Variants in UBAC1 observed in about 807,000 individuals in gnomAD.
UBAC1 encodes UBA domain containing 1, also known as ubiquitin-associated domain-containing protein 1.
A neutral mutation model predicts 45.9 loss-of-function variants in UBAC1; 27 were observed. The observed-to-expected ratio is 0.59, with a 90% CI of 0.43 to 0.81. The LOEUF (loss-of-function observed/expected upper bound fraction) is 0.81. Among genes scored for constraint, UBAC1 ranks in the 30% least tolerant of loss-of-function variants. The pLI, the probability that UBAC1 is intolerant of heterozygous loss-of-function variation, is 0.00. For synonymous variants in UBAC1, 227 were observed against 215.5 expected (o/e 1.05, Z -0.47); for missense variants, 529 against 539.2 (o/e 0.98, Z 0.19).
intron 3 of UBAC1, among the ~76,000 whole-genome samples, chr9:135,951,763 T>G (rs1839408149): frequency 6.6e-6 from 1 of 152,170 alleles, no homozygotes; most frequent in Non-Finnish European, 1.5e-5. Context: ...TGAGCTGAGA[T>G]CACGCCACTG....
chr9:135,951,925 TTAG>T (rs1839410436), intron 3 of UBAC1, among the ~76,000 whole-genome samples: 3 of 152,234 alleles, frequency 2.0e-5, no homozygotes, highest in Admixed American at 1.3e-4. Context: ...GCTCCTCAGG[TTAG>T]CTCCAAGCTA....
At chr9:135,956,421 G>C (rs578111875) in intron 1 of UBAC1, among the ~76,000 whole-genome samples, 1 of 152,322 alleles carries the variant, frequency 6.6e-6, no homozygotes, top group South Asian at 2.1e-4. Flanking sequence ...ACGGGGGCTA[G>C]GCGCGTCGGC....
intron 1 of UBAC1, among the ~76,000 whole-genome samples, chr9:135,960,258 G>C (rs916337767): frequency 3.3e-5 from 5 of 152,188 alleles, no homozygotes; most frequent in Non-Finnish European, 7.3e-5. Context: ...GTCCTTTAGA[G>C]ACTCGAGAAC....
chr9:135,946,184 T>C (rs1839331918), intron 5 of UBAC1, 85 bp downstream of exon 5: 1 of 1,112,786 alleles, frequency 9.0e-7, no homozygotes, highest in Admixed American at 1.8e-5. Flanking sequence ...GAGGTTCCGG[T>C]CAGTGGTCAG....
Position 135,946,369 on chromosome 9 carries a change from G to A in UBAC1, c.444C>T (p.Phe148=). The change falls in exon 5 of 10, where the codon TTC becomes TTT. Residue 148 remains phenylalanine, a splice_region_variant and synonymous_variant. Coordinates refer to ENST00000371756, the MANE Select transcript of UBAC1 (RefSeq NM_016172.3). ...CCAGTATCTTCCGGAGTTCTGTCTG[G>A]AACTGTGGTGAAAAAAAAGGAGATC... ...RAAVQTNMRD[F]QTELRKILVS... is the part of the protein sequence containing the mutation. 1.2e-6 allele frequency: 2 copies of A among 1,605,682 alleles called. No individual in the cohort carries two copies. Among genetic ancestry groups the A allele is most frequent in the South Asian group, 2.2e-5 (2 of 90,898 alleles).
chr9:135,946,207 C>CGTG, intron 5 of UBAC1, 62 bp downstream of exon 5: 1 of 1,246,882 alleles, frequency 8.0e-7, no homozygotes, highest in South Asian at 1.2e-5. Flanking sequence ...CGTGGAGCTG[C>CGTG]AGACGCTCCC....
chr9:135,947,721 C>G, intron 4 of UBAC1, 77 bp downstream of exon 4: 4 of 1,240,948 alleles, frequency 3.2e-6, no homozygotes, highest in Non-Finnish European at 4.5e-6. Flanking sequence ...TGCTGCCCCG[C>G]CCCGCAGGAA....
chr9:135,938,310 C>T lies in UBAC1; in HGVS notation c.1014G>A (p.Lys338=), dbSNP rs748162848. 1.2e-5 allele frequency: 20 copies of T among 1,614,036 alleles called. No homozygotes were observed. The Admixed American group carries it at 2.5e-4, about 20-fold the overall frequency. ...AGAGAGGACTGTCGGGGTCGATGCC[C>T]TTGTCCAGCTCCTCCGGAGAGGGCT... The part of the protein sequence containing the change: ...DRKPSPEELD[K]GIDPDSPLFQ... Residue 338 remains lysine (K), a synonymous_variant, in exon 9 of 10, where the codon AAG becomes AAA. Coordinates refer to ENST00000371756, the MANE Select transcript of UBAC1 (RefSeq NM_016172.3).
intron 3 of UBAC1, 78 bp downstream of exon 3, chr9:135,953,602 G>A (rs1220084012): frequency 1.5e-6 from 2 of 1,328,048 alleles, no homozygotes; most frequent in Non-Finnish European, 2.1e-6. Context: ...ACAGGCGCGA[G>A]CCACTGTACC....
rs995663264 is a variant in UBAC1 at position 135,933,214 on chromosome 9, G to A, written c.*186C>T. 4.6e-5 allele frequency: 26 copies of A among 563,134 alleles called. No individual in the cohort carries two copies. The highest frequency in any genetic ancestry group is 3.8e-4 in the African/African-American group (20 of 52,706). The allele number at this position is 563,134 out of a possible 1,614,324, so 34.9% of individuals were successfully genotyped here. ...AACACCTGTCAGATGCTAAAAATAC[G>A]GCCTTACACACTACCGTCACCAAAG... On this transcript the variant is annotated 3_prime_UTR_variant, in exon 10 of 10. Coordinates refer to ENST00000371756, the MANE Select transcript of UBAC1 (RefSeq NM_016172.3).
Position 135,937,476 on chromosome 9 carries a change from A to C in UBAC1, c.1102+746T>G, listed in dbSNP as rs1839214161. Among the ~76,000 whole-genome samples the C allele has an allele frequency of 2.0e-5, 3 of 146,890 alleles. No individual in the cohort carries two copies. The Admixed American group carries it at 2.1e-4, about 10-fold the overall frequency. On this transcript the variant is annotated intron_variant, in intron 9 of 9. Coordinates refer to ENST00000371756, the MANE Select transcript of UBAC1 (RefSeq NM_016172.3). ...AAAAAAAAAAATCAGGAGTGGCACCACATGTAGACAACCCAACGAGCCCTG... is the reference window on the plus strand; with the variant it reads ...AAAAAAAAAAATCAGGAGTGGCACCCCATGTAGACAACCCAACGAGCCCTG...
intron 7 of UBAC1, 130 bp downstream of exon 7, chr9:135,944,898 C>G: frequency 1.1e-6 from 1 of 936,402 alleles, no homozygotes; most frequent in South Asian, 1.8e-5. Flanking sequence ...CCTTCCCCAG[C>G]TTCTCTCTCT....
intron 7 of UBAC1, among the ~76,000 whole-genome samples, chr9:135,941,709 T>C (rs1472651585): frequency 3.3e-5 from 5 of 151,558 alleles, no homozygotes; most frequent in African/African-American, 1.2e-4. Context: ...GGCAAAGACT[T>C]GCTTGTGGGC....
intron 4 of UBAC1, chr9:135,947,568 T>C (rs917735973): frequency 4.3e-6 from 2 of 461,086 alleles, no homozygotes; most frequent in Admixed American, 8.2e-5. Flanking sequence ...TTCCCAGGGG[T>C]ATCTATCTTT....
intron 3 of UBAC1, 107 bp downstream of exon 3, chr9:135,953,573 C>T (rs1839431684): frequency 1.1e-6 from 1 of 896,286 alleles, no homozygotes. Context: ...CCGCCTCGGC[C>T]TCCCAAAGTG....
intron 6 of UBAC1, 104 bp from the exon 7 acceptor site, chr9:135,945,354 C>A: frequency 9.9e-7 from 1 of 1,009,650 alleles, no homozygotes; most frequent in Non-Finnish European, 1.4e-6. Flanking sequence ...GTGACTTCTC[C>A]AGCATCAGCT....
At chr9:135,946,119 A>G (rs1839331090) in intron 5 of UBAC1, 122 bp from the exon 6 acceptor site, 3 of 1,067,492 alleles carry the variant, frequency 2.8e-6, no homozygotes, top group Non-Finnish European at 4.2e-6. Flanking sequence ...GCACATCAAC[A>G]GGAGTTGCCG....
chr9:135,949,617 G>A (rs1391619038), intron 3 of UBAC1, among the ~76,000 whole-genome samples: 1 of 152,212 alleles, frequency 6.6e-6, no homozygotes, highest in Non-Finnish European at 1.5e-5. Flanking sequence ...GGAATACGAG[G>A]CCTCCAGACA....
At chr9:135,953,885 T>C in intron 2 of UBAC1, 132 bp from the exon 3 acceptor site, 4 of 505,678 alleles carry the variant, frequency 7.9e-6, no homozygotes, top group Non-Finnish European at 6.7e-6. Flanking sequence ...CCATCTGTAA[T>C]CCCAGCACTT....
Sources: allele counts gnomAD v4.1 joint callset (sites outside exome capture counted in the v4.1 genomes callset), GRCh38; gene constraint gnomAD v4.1.1; transcripts MANE v1.5; gene names NCBI Gene and HGNC (gene_info 2026-07-23, HGNC 2026-07-21).